Variants in GNG2 observed in about 807,000 individuals in gnomAD.
GNG2 encodes G protein subunit gamma 2, also known as guanine nucleotide-binding protein G(I)/G(S)/G(O) subunit gamma-2.
Under a neutral mutation model 5.5 loss-of-function variants are expected in GNG2, and 5 were observed. That is an observed-to-expected ratio of 0.91 (90% CI 0.48 to 1.92). The LOEUF (loss-of-function observed/expected upper bound fraction) is 1.92. Among genes scored for constraint, GNG2 ranks in the 30% most tolerant of loss-of-function variants. GNG2 has a pLI of 0.01. For synonymous variants in GNG2, 28 were observed against 32.0 expected (o/e 0.88, Z 0.42); for missense variants, 55 against 88.4 (o/e 0.62, Z 1.52).
At chr14:51,868,860 ACAGT>A (rs1482315948) in intron 1 of GNG2, among the ~76,000 whole-genome samples, 1 of 152,232 alleles carries the variant, frequency 6.6e-6, no homozygotes, top group African/African-American at 2.4e-5. Context: ...ATTGATTTAC[ACAGT>A]CAGGAAGACT....
At chr14:51,935,587 T>G (rs993371578) in intron 2 of GNG2, among the ~76,000 whole-genome samples, 1 of 152,200 alleles carries the variant, frequency 6.6e-6, no homozygotes, top group Non-Finnish European at 1.5e-5. Context: ...CGGTGAAAAG[T>G]GCATCTAGCC....
In GNG2 at chr14:51,894,266, G is replaced by C. The variant is rs1578974; in HGVS notation, c.-30+16609G>C. On this transcript the variant is annotated intron_variant, in intron 2 of 3. Transcript: ENST00000556766. ...AGTTTTATTTTAAAGTGCATTTCTCGATATATAAAGATTTTTGCTTCGTTT... is the reference window on the plus strand; with the variant it reads ...AGTTTTATTTTAAAGTGCATTTCTCCATATATAAAGATTTTTGCTTCGTTT... 4.3e-3 allele frequency among the ~76,000 whole-genome samples: 652 copies of C among 152,090 alleles called. 4 individuals are homozygous for C. Among genetic ancestry groups the C allele is most frequent in the African/African-American group, 0.014 (588 of 41,512 alleles).
upstream of GNG2, among the ~76,000 whole-genome samples, chr14:51,857,349 C>T (rs1199609308): frequency 2.0e-5 from 3 of 152,180 alleles, no homozygotes; most frequent in Non-Finnish European, 4.4e-5. Context: ...GCAGCACAGT[C>T]CCATCAGGAA....
intron 2 of GNG2, among the ~76,000 whole-genome samples, chr14:51,833,376 A>G (rs577094247): frequency 6.6e-6 from 1 of 152,260 alleles, no homozygotes; most frequent in East Asian, 1.9e-4. Flanking sequence ...AATTTCTTCT[A>G]ATGTAGATCA....
chr14:51,928,843 A>G (rs1283906846), intron 2 of GNG2, among the ~76,000 whole-genome samples: 3 of 151,942 alleles, frequency 2.0e-5, no homozygotes, highest in Non-Finnish European at 2.9e-5. Context: ...GGGTTCTGTG[A>G]TTTACAGGCG....
intron 2 of GNG2, chr14:51,914,047 T>C: frequency 1.8e-6 from 1 of 548,150 alleles, no homozygotes; most frequent in South Asian, 2.4e-5. Context: ...TGGGAGTCAC[T>C]GTATCCAATA....
chr14:51,932,141 G>A (rs1887692811), intron 2 of GNG2, among the ~76,000 whole-genome samples: 1 of 151,046 alleles, frequency 6.6e-6, no homozygotes, highest in African/African-American at 2.4e-5. Flanking sequence ...CAGCTACTTG[G>A]GAGGCTGAGG....
intron 1 of GNG2, among the ~76,000 whole-genome samples, chr14:51,865,147 C>G (rs1262356562): frequency 3.3e-5 from 5 of 152,106 alleles, no homozygotes; most frequent in Non-Finnish European, 7.4e-5. Context: ...CTGTAATGCA[C>G]TTTGTCCATG....
chr14:51,870,250 G>GA (rs59400479), intron 1 of GNG2, among the ~76,000 whole-genome samples: 10,730 of 145,900 alleles, frequency 0.074, 599 homozygotes, highest in East Asian at 0.25. Context: ...AAAATATTAA[G>GA]AAAAAAAAAA....
At chr14:51,887,405 C>T (rs755715857) in intron 2 of GNG2, among the ~76,000 whole-genome samples, 1 of 152,100 alleles carries the variant, frequency 6.6e-6, no homozygotes, top group Non-Finnish European at 1.5e-5. Flanking sequence ...ATTTCTTTGA[C>T]CCAGGGACCA....
chr14:51,886,781 G>A (rs1308749160), intron 2 of GNG2, among the ~76,000 whole-genome samples: 1 of 152,154 alleles, frequency 6.6e-6, no homozygotes, highest in Non-Finnish European at 1.5e-5. Context: ...CTGATCGCCT[G>A]CTCATGCTCC....
At chr14:51,895,666 G>A (rs1288182493) in intron 2 of GNG2, among the ~76,000 whole-genome samples, 3 of 152,172 alleles carry the variant, frequency 2.0e-5, no homozygotes, top group Non-Finnish European at 4.4e-5. Flanking sequence ...TCATTCATTT[G>A]GAAAAGCTAG....
chr14:51,837,233 A>G (rs1881356895), intron 2 of GNG2, among the ~76,000 whole-genome samples: 1 of 152,226 alleles, frequency 6.6e-6, no homozygotes, highest in African/African-American at 2.4e-5. Flanking sequence ...CTCATTTAAT[A>G]TTGTTTCCCA....
intron 2 of GNG2, among the ~76,000 whole-genome samples, chr14:51,942,592 T>TCTTTCTTTCTTTCTTTCTTTCTTTCTTTC (rs574783206): frequency 1.5e-5 from 2 of 132,144 alleles, no homozygotes; most frequent in Admixed American, 7.7e-5. Context: ...TTTCTTTCTT[T>TCTTTCTTTCTTTCTTTCTTTCTTTCTTTC]TTTTTTTTTT....
At chr14:51,885,755 T>C (rs891060603) in intron 2 of GNG2, among the ~76,000 whole-genome samples, 2 of 152,216 alleles carry the variant, frequency 1.3e-5, no homozygotes, top group African/African-American at 4.8e-5. Context: ...AAAATAAATC[T>C]TAAAGCAGCT....
intron 3 of GNG2, among the ~76,000 whole-genome samples, chr14:51,962,195 A>G (rs980561471): frequency 3.1e-4 from 33 of 107,456 alleles, no homozygotes; most frequent in Non-Finnish European, 7.9e-5. Flanking sequence ...TTTGTAAAAC[A>G]TTTTAAATAA....
Position 51,966,836 on chromosome 14 carries a change from G to A in GNG2, c.*149G>A. 1 of 640,518 alleles carries A rather than the reference G, an allele frequency of 1.6e-6. No individual in the cohort carries two copies. The highest frequency in any genetic ancestry group is 2.7e-6 in the Non-Finnish European group (1 of 370,218). The allele number at this position is 640,518 out of a possible 1,614,324, so 39.7% of individuals were successfully genotyped here. A position where few individuals can be genotyped will look rare whatever the true frequency, so the allele number is the denominator to read the frequency against. ...CTAGGCTATGCATGTTTAAAGATCT[G>A]GTCCCCTTTATGAGAATGCAAGCCG... On this transcript the variant is annotated 3_prime_UTR_variant, in exon 4 of 4. Coordinates refer to ENST00000556766, the MANE Select transcript of GNG2 (RefSeq NM_053064.5).
At chr14:51,960,243 A>C (rs1364531024) in intron 3 of GNG2, among the ~76,000 whole-genome samples, 1 of 150,648 alleles carries the variant, frequency 6.6e-6, no homozygotes, top group Non-Finnish European at 1.5e-5. Flanking sequence ...CTTCAAGTTC[A>C]CTAATCTTTC....
In GNG2 at chr14:51,969,338, T is replaced by C. The variant is rs1215228590; in HGVS notation, c.*2651T>C. 4.7e-5 allele frequency: 7 copies of C among 148,154 alleles called. No homozygotes were observed. The East Asian group carries it at 1.2e-3, about 24-fold the overall frequency. 9.2% of individuals were successfully genotyped at this position (148,154 alleles called of 1,614,324 possible). A position where few individuals can be genotyped will look rare whatever the true frequency, so the allele number is the denominator to read the frequency against. On this transcript the variant is annotated 3_prime_UTR_variant, in exon 4 of 4. Transcript: ENST00000556766. ...TCAACTCCAGTTTAAAAAGTGTTAT[T>C]TTTAAAACATTTGAAACCAAGTACT...
Sources: allele counts gnomAD v4.1 joint callset (sites outside exome capture counted in the v4.1 genomes callset), GRCh38; gene constraint gnomAD v4.1.1; transcripts MANE v1.5; gene names NCBI Gene and HGNC (gene_info 2026-07-23, HGNC 2026-07-21).